The following LHFPL3 variants were observed in gnomAD, a reference collection of about 807,000 sequenced individuals.
LHFPL3 encodes the protein LHFPL tetraspan subfamily member 3.
In LHFPL3, 5 loss-of-function variants were observed where a neutral mutation model predicts 19.3. That is an observed-to-expected ratio of 0.26 (90% CI 0.14 to 0.54). LHFPL3 has a LOEUF of 0.54. LHFPL3 is among the 20% of genes least tolerant of loss of function. The pLI is 0.94. For synonymous variants in LHFPL3, 133 were observed against 126.2 expected, an observed-to-expected ratio of 1.05 and a Z score of -0.36; for missense variants, 249 against 307.4, an observed-to-expected ratio of 0.81 and a Z score of 1.42.
At chr7:104,772,718 G>C (rs993073532) in intron 2 of LHFPL3, among the ~76,000 whole-genome samples, 3 of 152,244 alleles carry the variant, frequency 2.0e-5, no homozygotes, top group Non-Finnish European at 4.4e-5. Context: ...GCCTCTGAGA[G>C]TGGGTTCACC....
intron 2 of LHFPL3, among the ~76,000 whole-genome samples, chr7:104,842,040 A>G (rs1562811406): frequency 6.6e-6 from 1 of 151,644 alleles, no homozygotes; most frequent in Non-Finnish European, 1.5e-5. Context: ...CTCTCTCTCT[A>G]TGCTCCCTAC....
chr7:104,481,592 C>A (rs916890152), intron 1 of LHFPL3, among the ~76,000 whole-genome samples: 1 of 151,846 alleles, frequency 6.6e-6, no homozygotes, highest in Non-Finnish European at 1.5e-5. Context: ...CTATAAATCC[C>A]GGGAGGATAT....
At chr7:104,443,545 T>C (rs767211586) in intron 1 of LHFPL3, among the ~76,000 whole-genome samples, 5 of 152,216 alleles carry the variant, frequency 3.3e-5, no homozygotes, top group East Asian at 3.9e-4. Flanking sequence ...ACCAGGAGAA[T>C]AGTCAGAAGC....
intron 1 of LHFPL3, among the ~76,000 whole-genome samples, chr7:104,576,942 C>A (rs1790349544): frequency 6.6e-6 from 1 of 152,166 alleles, no homozygotes; most frequent in African/African-American, 2.4e-5. Context: ...AATCTGTCAC[C>A]AGAGTTTATC....
chr7:104,819,960 C>T (rs1006682646), intron 2 of LHFPL3, among the ~76,000 whole-genome samples: 1 of 152,192 alleles, frequency 6.6e-6, no homozygotes. Context: ...CAAAACGAGC[C>T]GATTGTGATC....
chr7:104,719,507 T>A (rs371381235), intron 1 of LHFPL3, among the ~76,000 whole-genome samples: 1 of 152,204 alleles, frequency 6.6e-6, no homozygotes, highest in Non-Finnish European at 1.5e-5. Context: ...TAATTCCCAT[T>A]CCACACATTT....
intron 2 of LHFPL3, among the ~76,000 whole-genome samples, chr7:104,873,873 T>A (rs1562821936): frequency 6.6e-6 from 1 of 152,320 alleles, no homozygotes; most frequent in East Asian, 1.9e-4. Context: ...TTAACAAAGC[T>A]AGTCTCGGTT....
intron 1 of LHFPL3, among the ~76,000 whole-genome samples, chr7:104,466,748 T>A (rs1335078241): frequency 6.6e-6 from 1 of 152,212 alleles, no homozygotes; most frequent in Non-Finnish European, 1.5e-5. Flanking sequence ...TTAAAATGGA[T>A]TTTAGCTGAA....
At chr7:104,736,991 C>A in intron 2 of LHFPL3, 80 bp downstream of exon 2, 1 of 1,114,094 alleles carries the variant, frequency 9.0e-7, no homozygotes, top group Non-Finnish European at 1.3e-6. Flanking sequence ...CCCTCAAATA[C>A]TAGTGCTTCC....
At chr7:104,649,730 C>A (rs1483939607) in intron 1 of LHFPL3, among the ~76,000 whole-genome samples, 3 of 152,170 alleles carry the variant, frequency 2.0e-5, no homozygotes, top group Non-Finnish European at 4.4e-5. Context: ...GAGTTGTGAA[C>A]TCAGGGAGTT....
At chr7:104,503,444 T>C (rs1032523748) in intron 1 of LHFPL3, among the ~76,000 whole-genome samples, 5 of 152,246 alleles carry the variant, frequency 3.3e-5, no homozygotes, top group Non-Finnish European at 7.3e-5. Context: ...TGAATGTTTG[T>C]TTATATTATG....
chr7:104,634,586 G>A (rs955151478), intron 1 of LHFPL3, among the ~76,000 whole-genome samples: 1 of 152,052 alleles, frequency 6.6e-6, no homozygotes, highest in Non-Finnish European at 1.5e-5. Flanking sequence ...GTCAGTATCT[G>A]CCGAGTGAAT....
chr7:104,332,476 C>A (rs777131030), intron 1 of LHFPL3, among the ~76,000 whole-genome samples: 2 of 152,074 alleles, frequency 1.3e-5, no homozygotes, highest in African/African-American at 2.4e-5. Context: ...AGCAATCCGA[C>A]TGCCATGGCC....
At chr7:104,834,671 C>T (rs552802113) in intron 2 of LHFPL3, among the ~76,000 whole-genome samples, 1 of 152,150 alleles carries the variant, frequency 6.6e-6, no homozygotes, top group East Asian at 1.9e-4. Flanking sequence ...AGCTCATCAA[C>T]TTCCAATTTT....
At chr7:104,670,049 T>A (rs1231941761) in intron 1 of LHFPL3, among the ~76,000 whole-genome samples, 1 of 152,236 alleles carries the variant, frequency 6.6e-6, no homozygotes, top group Admixed American at 6.5e-5. Flanking sequence ...AAAGGTAGAT[T>A]TAGCCTCAAG....
chr7:104,815,104 C>G (rs944635557), intron 2 of LHFPL3, among the ~76,000 whole-genome samples: 4 of 152,164 alleles, frequency 2.6e-5, no homozygotes, highest in Admixed American at 6.5e-5. Context: ...CCCCCAACCC[C>G]GAGAGCACGA....
At chr7:104,881,056 G>A (rs1463289187) in intron 2 of LHFPL3, among the ~76,000 whole-genome samples, 1 of 151,506 alleles carries the variant, frequency 6.6e-6, no homozygotes, top group African/African-American at 2.4e-5. Context: ...TGTAGTCCCA[G>A]CTACTTGGGA....
chr7:104,798,951 C>G lies in LHFPL3; in HGVS notation c.682+62040C>G, dbSNP rs137886884. Among the ~76,000 whole-genome samples, 982 of 152,214 alleles carry G rather than the reference C, an allele frequency of 6.5e-3. 8 individuals are homozygous for G. The highest frequency in any genetic ancestry group is 0.012 in the Non-Finnish European group (837 of 67,998). The stretch of plus-strand genomic sequence containing the variant: ...ATTCTTTGGTGTAAACTGAGGAGGA[C>G]TTGGAGAGTGTTCCTTCTCTGGCGG... On this transcript the variant is annotated intron_variant, in intron 2 of 2. Transcript: ENST00000424859.
At chr7:104,578,088 T>C (rs2116011619) in intron 1 of LHFPL3, among the ~76,000 whole-genome samples, 1 of 152,314 alleles carries the variant, frequency 6.6e-6, no homozygotes, top group South Asian at 2.1e-4. Flanking sequence ...TTTAAGGTGT[T>C]TTTCTAAGTC....
Sources: gnomAD v4.1 joint callset for allele counts (sites outside exome capture counted in the v4.1 genomes callset) on GRCh38, gnomAD v4.1.1 for gene constraint, MANE v1.5 for transcripts, NCBI Gene and HGNC (gene_info 2026-07-23, HGNC 2026-07-21) for gene names.